CDH18: variants seen among roughly 807,000 people sequenced by gnomAD.
CDH18 encodes the protein cadherin-18.
In CDH18, 31 loss-of-function variants were observed where a neutral mutation model predicts 67.9. The ratio of observed to expected loss-of-function variants is 0.46; its 90% confidence interval spans 0.34 to 0.62. CDH18 has a LOEUF of 0.62. Among genes scored for constraint, CDH18 ranks in the 20% least tolerant of loss-of-function variants. CDH18 has a pLI of 0.01. For missense variants in CDH18, 890 were observed against 975.5 expected (o/e 0.91, Z 1.17); for synonymous variants, 362 against 347.2 (o/e 1.04, Z -0.48).
At chr5:19,615,603 T>A (rs1257745700) in intron 5 of CDH18, among the ~76,000 whole-genome samples, 1 of 152,172 alleles carries the variant, frequency 6.6e-6, no homozygotes, top group Non-Finnish European at 1.5e-5. Flanking sequence ...GTGTTGTATA[T>A]GGTATGGGTT....
At chr5:20,094,438 C>G (rs1745704812) in intron 2 of CDH18, among the ~76,000 whole-genome samples, 1 of 152,130 alleles carries the variant, frequency 6.6e-6, no homozygotes, top group Admixed American at 6.6e-5. Flanking sequence ...ATTGTCTTGG[C>G]TATACAAGCT....
At chr5:20,454,624 T>C (rs867409748) in intron 1 of CDH18, among the ~76,000 whole-genome samples, 2 of 152,120 alleles carry the variant, frequency 1.3e-5, no homozygotes, top group South Asian at 2.1e-4. Flanking sequence ...CTTTATCTTA[T>C]AACAAGTTAG....
chr5:20,117,009 A>ATGTG (rs112582550), intron 2 of CDH18, among the ~76,000 whole-genome samples: 7 of 149,144 alleles, frequency 4.7e-5, no homozygotes, highest in African/African-American at 1.2e-4. Context: ...GGAGAGATAA[A>ATGTG]TGTGTGTGTG....
At chr5:19,797,076 A>G (rs1250712243) in intron 3 of CDH18, among the ~76,000 whole-genome samples, 1 of 152,012 alleles carries the variant, frequency 6.6e-6, no homozygotes, top group African/African-American at 2.4e-5. Context: ...AATGATTTAA[A>G]TAAAATAATT....
chr5:19,628,645 G>A (rs1031521431), intron 5 of CDH18, among the ~76,000 whole-genome samples: 3 of 151,874 alleles, frequency 2.0e-5, no homozygotes, highest in East Asian at 1.9e-4. Flanking sequence ...GTGGGGAGGT[G>A]GTTGGAAATC....
chr5:20,241,869 A>G (rs1350108601), intron 2 of CDH18, among the ~76,000 whole-genome samples: 1 of 109,704 alleles, frequency 9.1e-6, no homozygotes, highest in Non-Finnish European at 1.7e-5. Context: ...AAAAAAATAA[A>G]ATAAAATAAA....
intron 1 of CDH18, among the ~76,000 whole-genome samples, chr5:20,415,416 A>G (rs991953918): frequency 2.0e-5 from 3 of 152,144 alleles, no homozygotes; most frequent in East Asian, 3.9e-4. Context: ...TAGTACATAC[A>G]TACAATGGAA....
At chr5:19,937,052 A>AT (rs1561590532) in intron 2 of CDH18, among the ~76,000 whole-genome samples, 1 of 151,302 alleles carries the variant, frequency 6.6e-6, no homozygotes, top group Non-Finnish European at 1.5e-5. Flanking sequence ...AGTTAGAGCA[A>AT]TTTTTTGAAA....
intron 2 of CDH18, among the ~76,000 whole-genome samples, chr5:20,208,349 A>G (rs1157342702): frequency 3.9e-5 from 6 of 152,126 alleles, no homozygotes; most frequent in Non-Finnish European, 8.8e-5. Flanking sequence ...CACCAGGTCC[A>G]TCCCTCACAT....
intron 2 of CDH18, among the ~76,000 whole-genome samples, chr5:19,871,985 A>G (rs1786358269): frequency 6.6e-6 from 1 of 152,188 alleles, no homozygotes; most frequent in South Asian, 2.1e-4. Context: ...TGTTAGAGAA[A>G]TCTTGTCTCC....
chr5:19,985,402 G>C (rs939042671), intron 1 of CDH18, among the ~76,000 whole-genome samples: 1 of 151,994 alleles, frequency 6.6e-6, no homozygotes, highest in African/African-American at 2.4e-5. Context: ...ATTGCATTGA[G>C]AACCACTGCT....
intron 11 of CDH18, among the ~76,000 whole-genome samples, chr5:19,489,530 A>G (rs558605795): frequency 1.3e-5 from 2 of 152,142 alleles, no homozygotes; most frequent in South Asian, 4.2e-4. Context: ...TACAGGTGTG[A>G]GCCACCGCGC....
At chr5:20,296,392 G>T (rs1198817348) in intron 1 of CDH18, among the ~76,000 whole-genome samples, 2 of 151,410 alleles carry the variant, frequency 1.3e-5, no homozygotes, top group Non-Finnish European at 2.9e-5. Context: ...CTCCTGAGTA[G>T]CTGGGACTAC....
At position 20,103,452 on chromosome 5, in the gene CDH18, G is replaced by A. The variant is rs564749120; in HGVS notation, c.-517-111438C>T. On this transcript the variant is annotated intron_variant, in intron 2 of 14. Transcript: ENST00000507958. The stretch of plus-strand genomic sequence containing the variant: ...GATATATACATAAAAATATACTGGC[G>A]CAGTGACTCATGCCTGTAATCCCAG... Among the ~76,000 whole-genome samples, 329 of 151,754 alleles carry A rather than the reference G, an allele frequency of 2.2e-3. 1 individual carries two copies. Among genetic ancestry groups the A allele is most frequent in the African/African-American group, 7.5e-3 (309 of 41,388 alleles).
chr5:19,918,447 G>A (rs907558338), intron 2 of CDH18, among the ~76,000 whole-genome samples: 6 of 152,158 alleles, frequency 3.9e-5, no homozygotes, highest in African/African-American at 7.2e-5. Context: ...CATAAAACAC[G>A]CCACAACAAT....
intron 1 of CDH18, among the ~76,000 whole-genome samples, chr5:20,358,077 A>G (rs968754945): frequency 2.6e-5 from 4 of 152,212 alleles, no homozygotes; most frequent in Non-Finnish European, 4.4e-5. Context: ...ATTCTCACAT[A>G]TAAGTGGAAG....
chr5:20,228,610 C>T (rs145938130), intron 2 of CDH18, among the ~76,000 whole-genome samples: 1 of 152,146 alleles, frequency 6.6e-6, no homozygotes, highest in East Asian at 1.9e-4. Context: ...CTATGACCAA[C>T]ATCTCACCAA....
At chr5:20,490,262 A>G (rs758380038) in intron 1 of CDH18, among the ~76,000 whole-genome samples, 2 of 152,076 alleles carry the variant, frequency 1.3e-5, no homozygotes, top group Non-Finnish European at 2.9e-5. Context: ...TGTCATTTTT[A>G]GAGACTGTAA....
Position 20,209,214 on chromosome 5 carries a change from C to T in CDH18, c.-518+46230G>A, listed in dbSNP as rs1042589137. ...ATGTAGTTGCCATAAAAATACTAAA[C>T]GTAGGATTATCATATGATCTAGCAA... is the stretch of plus-strand genomic sequence containing the variant. On this transcript the variant is annotated intron_variant, in intron 2 of 14. Coordinates refer to the CDH18 transcript ENST00000507958. Among the ~76,000 whole-genome samples the T allele has an allele frequency of 5.3e-5, 8 of 151,894 alleles. No individual in the cohort carries two copies. In the East Asian group the frequency reaches 9.7e-4, roughly 18 times the overall value.
Sources: allele counts gnomAD v4.1 joint callset (sites outside exome capture counted in the v4.1 genomes callset), GRCh38; gene constraint gnomAD v4.1.1; transcripts MANE v1.5; gene names NCBI Gene and HGNC (gene_info 2026-07-23, HGNC 2026-07-21).